DLG2: variants seen among roughly 807,000 people sequenced by gnomAD.
The protein encoded by DLG2 is disks large homolog 2.
DLG2 carries 45 observed loss-of-function variants against 132.5 expected under a neutral mutation model. That is an observed-to-expected ratio of 0.34 (90% CI 0.27 to 0.44). The LOEUF (loss-of-function observed/expected upper bound fraction) is 0.44. Among genes scored for constraint, DLG2 ranks in the 20% least tolerant of loss-of-function variants. The pLI is 1.00. For missense variants in DLG2, 1,045 were observed against 1,196.9 expected, an observed-to-expected ratio of 0.87 and a Z score of 1.87; for synonymous variants, 424 against 419.6, an observed-to-expected ratio of 1.01 and a Z score of -0.13.
chr11:85,457,348 T>C (rs887877445), intron 3 of DLG2, among the ~76,000 whole-genome samples: 2 of 152,132 alleles, frequency 1.3e-5, no homozygotes, highest in African/African-American at 4.8e-5. Context: ...GTGAGATGGG[T>C]CTCCTGAAGA....
intron 18 of DLG2, among the ~76,000 whole-genome samples, chr11:83,652,162 C>A (rs559315486): frequency 1.4e-4 from 22 of 152,222 alleles, no homozygotes; most frequent in African/African-American, 5.1e-4. Flanking sequence ...ATCTTGGCAG[C>A]GCAACTGGAC....
At chr11:85,476,554 G>C (rs1413854200) in intron 3 of DLG2, among the ~76,000 whole-genome samples, 2 of 151,792 alleles carry the variant, frequency 1.3e-5, no homozygotes, top group African/African-American at 2.4e-5. Flanking sequence ...ACACATTATA[G>C]AGCAATACAA....
rs192919091 is a variant in DLG2 at position 83,941,808 on chromosome 11, A to C, written c.1341-11325T>G. Among the ~76,000 whole-genome samples, 381 of 152,366 alleles carry C rather than the reference A, an allele frequency of 2.5e-3. 2 individuals are homozygous for C. The highest frequency in any genetic ancestry group is 8.8e-3 in the African/African-American group (368 of 41,590). ...ACATCTATACTCAAATCTATACATA[A>C]GCATGCAGATAGATAATTTTAAAAT... On this transcript the variant is annotated intron_variant, in intron 14 of 27. Coordinates refer to ENST00000376104, the MANE Select transcript of DLG2 (RefSeq NM_001142699.3).
chr11:83,693,093 T>G (rs1236584248), intron 18 of DLG2: 1 of 152,196 alleles, frequency 6.6e-6, no homozygotes, highest in African/African-American at 2.4e-5. Context: ...TCTAATTGTT[T>G]AAACCTTTTT....
At chr11:83,524,039 G>C (rs1400279590) in intron 21 of DLG2, among the ~76,000 whole-genome samples, 1 of 152,166 alleles carries the variant, frequency 6.6e-6, no homozygotes, top group Non-Finnish European at 1.5e-5. Flanking sequence ...AGTAGTGTTA[G>C]GAAGTTGCTC....
intron 7 of DLG2, among the ~76,000 whole-genome samples, chr11:84,300,958 C>T (rs1478750257): frequency 6.6e-6 from 1 of 152,044 alleles, no homozygotes; most frequent in African/African-American, 2.4e-5. Context: ...CCAGTATATC[C>T]CCATTTATTA....
intron 3 of DLG2, among the ~76,000 whole-genome samples, chr11:85,478,862 T>G (rs1412833377): frequency 6.6e-6 from 1 of 152,180 alleles, no homozygotes; most frequent in Non-Finnish European, 1.5e-5. Flanking sequence ...GAATCCTTAA[T>G]GCATAAAAAC....
chr11:84,734,154 G>GT (rs1178541160), intron 6 of DLG2, among the ~76,000 whole-genome samples: 3 of 152,100 alleles, frequency 2.0e-5, no homozygotes, highest in East Asian at 1.9e-4. Context: ...CTTTAAAGAA[G>GT]TTTTTTCCAA....
intron 22 of DLG2, chr11:83,480,263 A>AGAT: frequency 1.1e-6 from 1 of 871,296 alleles, no homozygotes; most frequent in Non-Finnish European, 1.8e-6. Context: ...CTTTGAATAC[A>AGAT]GATGATAAAA....
At chr11:85,555,104 C>A (rs1381879409) in intron 3 of DLG2, among the ~76,000 whole-genome samples, 5 of 151,836 alleles carry the variant, frequency 3.3e-5, no homozygotes, top group African/African-American at 1.2e-4. Context: ...AACTCTACTG[C>A]AATAACACTG....
At chr11:84,419,773 C>A (rs1462365470) in intron 7 of DLG2, among the ~76,000 whole-genome samples, 2 of 152,136 alleles carry the variant, frequency 1.3e-5, no homozygotes, top group South Asian at 2.1e-4. Flanking sequence ...GTGTCCTGAG[C>A]CTCCTGCTGA....
chr11:85,485,592 C>G (rs970313941), intron 3 of DLG2, among the ~76,000 whole-genome samples: 1 of 152,104 alleles, frequency 6.6e-6, no homozygotes, highest in Non-Finnish European at 1.5e-5. Context: ...GGGGGCAGCT[C>G]TCTTGGCTGG....
chr11:83,877,729 A>C (rs2065127677), intron 15 of DLG2, among the ~76,000 whole-genome samples: 1 of 152,176 alleles, frequency 6.6e-6, no homozygotes, highest in African/African-American at 2.4e-5. Context: ...CTTCTAAGAC[A>C]AATACAGTGA....
intron 7 of DLG2, among the ~76,000 whole-genome samples, chr11:84,301,574 G>A (rs2098153546): frequency 6.6e-6 from 1 of 150,440 alleles, no homozygotes. Context: ...CAGGAGAAGG[G>A]TGTGAACCCG....
At chr11:85,579,868 G>A (rs1504028) in intron 3 of DLG2, among the ~76,000 whole-genome samples, 143,401 of 152,170 alleles carry the variant, frequency 0.94, 67,833 homozygotes, top group African/African-American at 0.99. Context: ...AACTTTGTAT[G>A]CATTTTGCTG....
At chr11:85,158,982 A>C (rs572612721) in intron 4 of DLG2, among the ~76,000 whole-genome samples, 4 of 152,326 alleles carry the variant, frequency 2.6e-5, no homozygotes, top group Admixed American at 2.0e-4. Flanking sequence ...CCTTGAATGA[A>C]GGGGAGACCA....
intron 9 of DLG2, among the ~76,000 whole-genome samples, chr11:84,107,235 C>T (rs904415716): frequency 6.6e-6 from 1 of 151,874 alleles, no homozygotes; most frequent in Non-Finnish European, 1.5e-5. Flanking sequence ...AGAGTTCAGA[C>T]TCTTTGAGTC....
chr11:83,996,418 C>A (rs1483478967), intron 11 of DLG2, among the ~76,000 whole-genome samples: 2 of 152,150 alleles, frequency 1.3e-5, no homozygotes, highest in Non-Finnish European at 2.9e-5. Context: ...TTTGGACATT[C>A]CTCAGAAAAC....
chr11:85,321,832 C>A (rs1321039429), intron 3 of DLG2, among the ~76,000 whole-genome samples: 1 of 151,780 alleles, frequency 6.6e-6, no homozygotes, highest in African/African-American at 2.4e-5. Context: ...ACGTGGTCAG[C>A]AAGAAGAGTA....
Sources: allele counts gnomAD v4.1 joint callset (sites outside exome capture counted in the v4.1 genomes callset), GRCh38; gene constraint gnomAD v4.1.1; transcripts MANE v1.5; gene names NCBI Gene and HGNC (gene_info 2026-07-23, HGNC 2026-07-21).